CDYL: variants seen among roughly 807,000 people sequenced by gnomAD.
The protein encoded by CDYL is chromodomain Y like.
CDYL carries 8 observed loss-of-function variants against 47.3 expected under a neutral mutation model. That is an observed-to-expected ratio of 0.17 (90% CI 0.10 to 0.31). CDYL has a LOEUF of 0.31. Among genes scored for constraint, CDYL ranks in the 10% least tolerant of loss-of-function variants. The pLI is 1.00. For synonymous variants in CDYL, 266 were observed against 265.0 expected (o/e 1.00, Z -0.04); for missense variants, 471 against 701.4 (o/e 0.67, Z 3.71).
chr6:4,745,078 C>T (rs558408625), intron 3 of CDYL, among the ~76,000 whole-genome samples: 1 of 152,282 alleles, frequency 6.6e-6, no homozygotes, highest in South Asian at 2.1e-4. Context: ...AATCCTCCTG[C>T]CTCAGCCTCC....
At chr6:4,712,610 T>C (rs760438096) in intron 1 of CDYL, among the ~76,000 whole-genome samples, 11 of 152,196 alleles carry the variant, frequency 7.2e-5, no homozygotes, top group Admixed American at 2.6e-4. Context: ...CCTGTGTCTT[T>C]CCACACTGGG....
chr6:4,916,105 C>T (rs984142274), intron 2 of CDYL, among the ~76,000 whole-genome samples: 1 of 151,870 alleles, frequency 6.6e-6, no homozygotes, highest in African/African-American at 2.4e-5. Context: ...CTTCTGTATT[C>T]CTAAAATGTC....
In CDYL at chr6:4,753,704, A is replaced by ACCTGATC. The variant is rs574025046; in HGVS notation, c.186+18861_186+18867dup. Reference sequence around the variant, plus strand: ...ATTCAACACAAGGATTTTATGGAGAACCTGATCTGATGGATTGCTAGATTC... The same window carrying ACCTGATC: ...ATTCAACACAAGGATTTTATGGAGAACCTGATCCCTGATCTGATGGATTGCTAGATTC... On this transcript the variant is annotated intron_variant, in intron 3 of 8. Transcript: ENST00000328908. Among the ~76,000 whole-genome samples the ACCTGATC allele has an allele frequency of 1.3e-4, 20 of 152,298 alleles. No individual in the cohort carries two copies. The South Asian group carries it at 3.5e-3, about 27-fold the overall frequency.
At chr6:4,872,422 C>T (rs1239931122) in intron 1 of CDYL, among the ~76,000 whole-genome samples, 2 of 150,848 alleles carry the variant, frequency 1.3e-5, no homozygotes, top group African/African-American at 4.9e-5. Flanking sequence ...ACACTTGTTG[C>T]CCAGGCTGGA....
At chr6:4,745,882 C>A (rs6597096) in intron 3 of CDYL, among the ~76,000 whole-genome samples, 149,665 of 152,278 alleles carry the variant, frequency 0.98, 73,605 homozygotes, top group East Asian at 1. Context: ...CAACAGTGCA[C>A]AAGCCCAGAG....
chr6:4,908,674 T>G (rs1757313720), intron 2 of CDYL, among the ~76,000 whole-genome samples: 1 of 152,172 alleles, frequency 6.6e-6, no homozygotes, highest in Non-Finnish European at 1.5e-5. Context: ...ACGTCTCTCT[T>G]TCCCCATTTT....
At chr6:4,900,779 G>GTGTATATATA in intron 2 of CDYL, among the ~76,000 whole-genome samples, 1 of 51,706 alleles carries the variant, frequency 1.9e-5, no homozygotes, top group African/African-American at 6.3e-5. Flanking sequence ...GTATACGTGT[G>GTGTATATATA]TATATATATA....
intron 3 of CDYL, among the ~76,000 whole-genome samples, chr6:4,757,539 G>C (rs1758093473): frequency 6.6e-6 from 1 of 152,102 alleles, no homozygotes; most frequent in Non-Finnish European, 1.5e-5. Flanking sequence ...AGAATTATTT[G>C]ACTTACAGAA....
intron 1 of CDYL, among the ~76,000 whole-genome samples, chr6:4,821,696 A>G (rs1291929028): frequency 6.6e-6 from 1 of 150,914 alleles, no homozygotes; most frequent in African/African-American, 2.4e-5. Context: ...AGATCACACC[A>G]CTGTACTCCA....
chr6:4,853,404 T>G (rs879453173), intron 1 of CDYL, among the ~76,000 whole-genome samples: 2 of 152,224 alleles, frequency 1.3e-5, no homozygotes, highest in Admixed American at 6.5e-5. Flanking sequence ...AGCCTGCATC[T>G]GAATCCAGGA....
Position 4,877,892 on chromosome 6 carries a change from G to A in CDYL, c.25-13821G>A, listed in dbSNP as rs551640003. The stretch of plus-strand genomic sequence containing the variant: ...GCTTGCCAGGATTATTTTTGGGAAT[G>A]TGTTGTATCTATAGATGCATTTGGG... On this transcript the variant is annotated intron_variant, in intron 1 of 6. Transcript: ENST00000397588. Among the ~76,000 whole-genome samples the A allele has an allele frequency of 5.5e-3, 833 of 152,258 alleles. 7 individuals are homozygous for A. Among genetic ancestry groups the A allele is most frequent in the African/African-American group, 0.019 (795 of 41,550 alleles).
chr6:4,804,483 C>A (rs1036368299), intron 1 of CDYL, among the ~76,000 whole-genome samples: 2 of 152,206 alleles, frequency 1.3e-5, no homozygotes, highest in Non-Finnish European at 2.9e-5. Flanking sequence ...GACCGCATCT[C>A]CAGGCCAGTG....
chr6:4,801,650 C>T (rs1186243565), intron 1 of CDYL, among the ~76,000 whole-genome samples: 1 of 152,014 alleles, frequency 6.6e-6, no homozygotes, highest in Non-Finnish European at 1.5e-5. Flanking sequence ...CCTGTGTCTG[C>T]AAAATTTGAA....
intron 1 of CDYL, among the ~76,000 whole-genome samples, chr6:4,812,154 C>T (rs894752683): frequency 6.6e-6 from 1 of 152,152 alleles, no homozygotes; most frequent in Non-Finnish European, 1.5e-5. Context: ...AAAGTACTGC[C>T]AATGTGTGTT....
chr6:4,880,968 T>C (rs1761746827), intron 1 of CDYL, among the ~76,000 whole-genome samples: 1 of 152,260 alleles, frequency 6.6e-6, no homozygotes, highest in African/African-American at 2.4e-5. Context: ...CTTCTCATTC[T>C]CTTGAAACAC....
intron 1 of CDYL, among the ~76,000 whole-genome samples, chr6:4,803,774 T>C (rs972396308): frequency 1.3e-5 from 2 of 150,964 alleles, no homozygotes; most frequent in South Asian, 2.1e-4. Flanking sequence ...TTTATTTTCC[T>C]GATGACTTCT....
At chr6:4,913,200 C>G (rs1170205159) in intron 2 of CDYL, among the ~76,000 whole-genome samples, 2 of 152,180 alleles carry the variant, frequency 1.3e-5, no homozygotes, top group African/African-American at 4.8e-5. Context: ...GCTCGAAATT[C>G]GAGCCAAGGA....
chr6:4,723,080 T>C (rs1473611427), intron 2 of CDYL, among the ~76,000 whole-genome samples: 2 of 152,138 alleles, frequency 1.3e-5, no homozygotes, highest in Non-Finnish European at 2.9e-5. Flanking sequence ...TCCATATCCA[T>C]GGATACAACC....
chr6:4,913,623 T>C (rs1305649516), intron 2 of CDYL, among the ~76,000 whole-genome samples: 1 of 152,230 alleles, frequency 6.6e-6, no homozygotes, highest in East Asian at 1.9e-4. Context: ...CTTCCGGCCT[T>C]CCAGGGAACT....
Sources: gnomAD v4.1 joint callset for allele counts (sites outside exome capture counted in the v4.1 genomes callset) on GRCh38, gnomAD v4.1.1 for gene constraint, MANE v1.5 for transcripts, NCBI Gene and HGNC (gene_info 2026-07-23, HGNC 2026-07-21) for gene names.